GRK3: variants seen among roughly 807,000 people sequenced by gnomAD.
GRK3 encodes adrenergic, beta, receptor kinase 2.
Under a neutral mutation model 95.7 loss-of-function variants are expected in GRK3, and 54 were observed. The ratio of observed to expected loss-of-function variants is 0.56; its 90% CI spans 0.45 to 0.71. GRK3 has a LOEUF of 0.71. GRK3 is among the 30% of genes least tolerant of loss of function. The probability of loss-of-function intolerance (pLI) is 0.00; values close to 1 mark genes in which losing one functional copy is unlikely to be tolerated. For missense variants in GRK3, 649 were observed against 851.2 expected (o/e 0.76, Z 2.96); for synonymous variants, 281 against 290.8 (o/e 0.97, Z 0.34).
At chr22:25,647,020 C>CAAAAAA (rs1025786169) in intron 3 of GRK3, among the ~76,000 whole-genome samples, 345 of 49,694 alleles carry the variant, frequency 6.9e-3, no homozygotes, top group Middle Eastern at 0.021. Context: ...GACTTTGTCT[C>CAAAAAA]AAAAAAAAAA....
chr22:25,690,252 G>A lies in GRK3; in HGVS notation c.1021G>A (p.Asp341Asn), dbSNP rs2085154588. The change falls in exon 12 of 21, where the codon GAT becomes AAT. Residue 341 changes from aspartate (D) to asparagine (N), a missense_variant. By Grantham distance (23) the Asp-to-Asn change is conservative. Transcript: ENST00000324198. ...ARISDLGLAC[D>N]FSKKKPHASV... The stretch of plus-strand genomic sequence containing the variant: ...AATATCAGATCTTGGTCTTGCCTGC[G>A]ATTTTTCCAAAAAGAAGCCTCATGC... The A allele has an allele frequency of 1.9e-6, 3 of 1,613,990 alleles. No individual in the cohort carries two copies. The highest frequency in any genetic ancestry group is 2.5e-6 in the Non-Finnish European group (3 of 1,179,914).
At position 25,726,151 on chromosome 22, in the gene GRK3, A is replaced by G. The variant is rs2085472228; in HGVS notation, c.*3701A>G. 1 of 152,226 alleles carries G rather than the reference A, an allele frequency of 6.6e-6. No homozygotes were observed. Among genetic ancestry groups the G allele is most frequent in the South Asian group, 2.1e-4 (1 of 4,826 alleles). 9.4% of individuals were successfully genotyped at this position (152,226 alleles called of 1,614,324 possible). A position where few individuals can be genotyped will look rare whatever the true frequency, so the allele number is the denominator to read the frequency against. ...ACTGGTCATCTACAAAGTAATGTTT[A>G]CCAATTGACGACAGGGATTTAACTA... On this transcript the variant is annotated 3_prime_UTR_variant, in exon 21 of 21. Transcript: ENST00000324198.
chr22:25,661,602 T>A lies in GRK3; in HGVS notation c.291T>A (p.Asn97Lys). 6.2e-7 allele frequency: 1 copy of A among 1,612,646 alleles called. No individual in the cohort carries two copies. Among genetic ancestry groups the A allele is most frequent in the African/African-American group, 1.3e-5 (1 of 74,998 alleles). ...TAAAGGAATATGAAAAACTTGATAA[T>A]GAGGAAGACCGCCTTTGCAGAAGTC... ...EEIKEYEKLD[N>K]EEDRLCRSRQ... is the part of the protein sequence containing the mutation. Residue 97 changes from asparagine to lysine, a missense_variant, in exon 4 of 21, where the codon AAT becomes AAA. Around this residue, in one of 3 missense-constraint regions of GRK3, gnomAD observed 206 missense variants for 231.4 expected, o/e 0.89. Transcript: ENST00000324198.
chr22:25,648,342 TTATGCCACAAGTTAACAACTGTG>T, intron 3 of GRK3: 1 of 1,275,206 alleles, frequency 7.8e-7, no homozygotes, highest in Admixed American at 1.7e-5. Flanking sequence ...TGCTGATGGT[TTATGCCACAAGTTAACAACTGTG>T]TGTCCAACTG....
intron 12 of GRK3, among the ~76,000 whole-genome samples, chr22:25,691,745 T>C (rs768480803): frequency 1.4e-4 from 21 of 152,216 alleles, no homozygotes; most frequent in Non-Finnish European, 2.4e-4. Context: ...AGGAATTAAC[T>C]TTCAGATATG....
chr22:25,677,079 C>G (rs1037069753), intron 8 of GRK3, among the ~76,000 whole-genome samples: 1 of 152,148 alleles, frequency 6.6e-6, no homozygotes, highest in Non-Finnish European at 1.5e-5. Context: ...TATTAAAAAC[C>G]ACCAAGTGCA....
chr22:25,624,081 TC>T (rs2084608426), intron 2 of GRK3, among the ~76,000 whole-genome samples: 2 of 152,186 alleles, frequency 1.3e-5, no homozygotes, highest in South Asian at 4.1e-4. Flanking sequence ...GTCAGCTTGT[TC>T]CTGTCACTCA....
intron 1 of GRK3, among the ~76,000 whole-genome samples, chr22:25,569,167 A>G (rs753305765): frequency 3.4e-4 from 52 of 152,256 alleles, no homozygotes; most frequent in Admixed American, 1.0e-3. Context: ...CGTTGAAAGC[A>G]CAAATAGCCT....
chr22:25,711,488 G>C (rs2085343364), intron 17 of GRK3, among the ~76,000 whole-genome samples: 1 of 152,120 alleles, frequency 6.6e-6, no homozygotes, highest in African/African-American at 2.4e-5. Flanking sequence ...TAGTGCAAAA[G>C]AGCCAGCTGT....
chr22:25,675,418 T>C, intron 8 of GRK3, among the ~76,000 whole-genome samples: 1 of 152,148 alleles, frequency 6.6e-6, no homozygotes, highest in African/African-American at 2.4e-5. Flanking sequence ...AGAAGGGTCT[T>C]CTGGAGAGTG....
At chr22:25,667,821 A>C in intron 6 of GRK3, 21 bp downstream of exon 6, 1 of 1,461,496 alleles carries the variant, frequency 6.8e-7, no homozygotes, top group Non-Finnish European at 9.6e-7. Flanking sequence ...TTATGCATAT[A>C]TATACACAAT....
At position 25,645,876 on chromosome 22, in the gene GRK3, G is replaced by T. The variant is rs549372272; in HGVS notation, c.264+1211G>T. Among the ~76,000 whole-genome samples, 7 of 151,184 alleles carry T rather than the reference G, an allele frequency of 4.6e-5. No homozygotes were observed. The South Asian group carries it at 1.5e-3, about 32-fold the overall frequency. ...GTGGAACTTGCAGTGAGCCGAGGTG[G>T]CACCACTGCACTCCAGCCTGGGCGA... On this transcript the variant is annotated intron_variant, in intron 3 of 20. Transcript: ENST00000324198.
chr22:25,627,047 A>G (rs1019617573), intron 2 of GRK3, among the ~76,000 whole-genome samples: 1 of 152,186 alleles, frequency 6.6e-6, no homozygotes, highest in African/African-American at 2.4e-5. Flanking sequence ...GACAGGTGTC[A>G]TGGCAGATAA....
intron 13 of GRK3, among the ~76,000 whole-genome samples, chr22:25,701,001 T>C (rs16980590): frequency 0.038 from 5,838 of 152,334 alleles, 162 homozygotes; most frequent in Middle Eastern, 0.1. Context: ...ATGTGTGTTT[T>C]CCCATCATTT....
intron 13 of GRK3, among the ~76,000 whole-genome samples, chr22:25,700,712 C>T (rs759762963): frequency 2.6e-5 from 4 of 152,102 alleles, no homozygotes; most frequent in Non-Finnish European, 5.9e-5. Flanking sequence ...CTCAGCCTCC[C>T]GAGTAGCTGG....
intron 8 of GRK3, among the ~76,000 whole-genome samples, chr22:25,675,949 C>T (rs757715364): frequency 1.4e-4 from 22 of 152,316 alleles, no homozygotes; most frequent in African/African-American, 2.4e-4. Context: ...ACACCTGCTA[C>T]GTCAGGTTCA....
chr22:25,607,901 T>C (rs1340724238), intron 2 of GRK3, among the ~76,000 whole-genome samples: 1 of 152,134 alleles, frequency 6.6e-6, no homozygotes, highest in African/African-American at 2.4e-5. Flanking sequence ...TCATTTAAAT[T>C]GTACTTCTGT....
In GRK3 at chr22:25,727,351, C is replaced by T. The variant is rs1225289352; in HGVS notation, c.*4901C>T. On this transcript the variant is annotated 3_prime_UTR_variant, in exon 21 of 21. Coordinates refer to ENST00000324198, the MANE Select transcript of GRK3 (RefSeq NM_005160.4). ...ATGAAATTTGAACTCTAAAATGGTA[C>T]TCCTTGGCTTCCTCAAGTCACAATG... 1 of 152,054 alleles carries T rather than the reference C, an allele frequency of 6.6e-6. No homozygotes were observed. The highest frequency in any genetic ancestry group is 1.5e-5 in the Non-Finnish European group (1 of 68,028). The allele number at this position is 152,054 out of a possible 1,614,324, so 9.4% of individuals were successfully genotyped here.
intron 2 of GRK3, among the ~76,000 whole-genome samples, chr22:25,616,831 G>C (rs977729770): frequency 6.6e-6 from 1 of 152,210 alleles, no homozygotes; most frequent in Non-Finnish European, 1.5e-5. Flanking sequence ...TGAGACTGTA[G>C]GGCGATGATG....
Sources: allele counts gnomAD v4.1 joint callset (sites outside exome capture counted in the v4.1 genomes callset), GRCh38; gene constraint gnomAD v4.1.1; regional missense constraint gnomAD v4.1.1; transcripts MANE v1.5; gene names NCBI Gene and HGNC (gene_info 2026-07-23, HGNC 2026-07-21).